CEP112: variants seen among roughly 807,000 people sequenced by gnomAD.
CEP112 encodes centrosomal protein 112.
Under a neutral mutation model 153.0 loss-of-function variants are expected in CEP112, and 127 were observed. That is an observed-to-expected ratio of 0.83 (90% confidence interval 0.72 to 0.96). CEP112 has a LOEUF of 0.96. Ranked by LOEUF, CEP112 falls within the 40% of genes least tolerant of loss-of-function variation. CEP112 has a pLI of 0.00. For synonymous variants in CEP112, 358 were observed against 374.4 expected (o/e 0.96, Z 0.51); for missense variants, 1,089 against 1,101.2 (o/e 0.99, Z 0.16).
intron 17 of CEP112, among the ~76,000 whole-genome samples, chr17:65,997,565 A>G (rs1469376022): frequency 6.6e-6 from 1 of 152,216 alleles, no homozygotes; most frequent in Non-Finnish European, 1.5e-5. Flanking sequence ...TTAAAAATAT[A>G]TGTAAAACAT....
chr17:65,800,464 A>G (rs1199799711), intron 21 of CEP112, among the ~76,000 whole-genome samples: 1 of 152,162 alleles, frequency 6.6e-6, no homozygotes, highest in Admixed American at 6.5e-5. Flanking sequence ...CAGCTGAGTA[A>G]TCTTTCATTT....
intron 21 of CEP112, among the ~76,000 whole-genome samples, chr17:65,829,937 GT>G (rs1221426634): frequency 6.6e-6 from 1 of 152,118 alleles, no homozygotes; most frequent in African/African-American, 2.4e-5. Flanking sequence ...CCTATTAATG[GT>G]AAGATATCAA....
intron 20 of CEP112, among the ~76,000 whole-genome samples, chr17:65,881,401 GGTGT>G (rs34374244): frequency 4.0e-5 from 6 of 150,482 alleles, no homozygotes; most frequent in African/African-American, 7.3e-5. Flanking sequence ...GCAGAAAACA[GGTGT>G]GTGTGTGTGT....
At chr17:65,828,204 C>T (rs1407085755) in intron 21 of CEP112, among the ~76,000 whole-genome samples, 1 of 152,166 alleles carries the variant, frequency 6.6e-6, no homozygotes, top group African/African-American at 2.4e-5. Flanking sequence ...GTTAACTGTT[C>T]CCCAGTACCT....
At chr17:65,752,289 G>C (rs941132477) in intron 21 of CEP112, among the ~76,000 whole-genome samples, 33 of 152,082 alleles carry the variant, frequency 2.2e-4, no homozygotes, top group Non-Finnish European at 4.6e-4. Context: ...GAAGAATCTT[G>C]CATATATGTA....
intron 20 of CEP112, among the ~76,000 whole-genome samples, chr17:65,861,761 G>GT (rs1286813204): frequency 6.6e-6 from 1 of 152,190 alleles, no homozygotes; most frequent in African/African-American, 2.4e-5. Flanking sequence ...GCAAGAATGT[G>GT]TATCAATGGG....
chr17:66,059,983 T>C (rs1045338806), intron 11 of CEP112, among the ~76,000 whole-genome samples: 1 of 152,156 alleles, frequency 6.6e-6, no homozygotes, highest in South Asian at 2.1e-4. Flanking sequence ...AATGAAATCA[T>C]GTCCTTCGCA....
rs2062052388 is a variant in CEP112 at position 65,957,825 on chromosome 17, T to C, written c.1872+3638A>G. ...AACTTGTTAATTTTATTAATGCTCA[T>C]ATTTAAACATTACAAAATTATTTTT... On this transcript the variant is annotated intron_variant, in intron 18 of 26. Coordinates refer to ENST00000535342, the MANE Select transcript of CEP112 (RefSeq NM_001199165.4). Among the ~76,000 whole-genome samples, 6 of 152,146 alleles carry C rather than the reference T, an allele frequency of 3.9e-5. No homozygotes were observed. The South Asian group carries it at 1.0e-3, about 26-fold the overall frequency.
intron 6 of CEP112, among the ~76,000 whole-genome samples, chr17:66,118,917 C>T (rs559793473): frequency 6.6e-6 from 1 of 152,036 alleles, no homozygotes; most frequent in Admixed American, 6.6e-5. Flanking sequence ...AGTGCTTATT[C>T]ACAATAGCAA....
intron 24 of CEP112, among the ~76,000 whole-genome samples, chr17:65,669,732 T>C (rs1387047679): frequency 1.3e-5 from 2 of 151,906 alleles, no homozygotes; most frequent in Non-Finnish European, 2.9e-5. Flanking sequence ...TGAAACCCTG[T>C]CTCTACTAAA....
At chr17:66,134,125 A>C (rs958287453) in intron 4 of CEP112, among the ~76,000 whole-genome samples, 1 of 152,224 alleles carries the variant, frequency 6.6e-6, no homozygotes, top group African/African-American at 2.4e-5. Flanking sequence ...TTAAGAATAG[A>C]TTAAATAATC....
intron 4 of CEP112, among the ~76,000 whole-genome samples, chr17:66,154,753 C>A (rs1337031935): frequency 1.3e-5 from 2 of 149,172 alleles, no homozygotes; most frequent in East Asian, 2.0e-4. Context: ...CAAAAAAAAA[C>A]AACAGAGTCA....
intron 4 of CEP112, among the ~76,000 whole-genome samples, chr17:66,164,886 A>ATGTGTGTGTGTG (rs57252258): frequency 8.0e-5 from 11 of 137,608 alleles, no homozygotes; most frequent in South Asian, 2.4e-4. Context: ...ACACACATAT[A>ATGTGTGTGTGTG]TGTGTGTGTG....
rs150616324 is a variant in CEP112 at position 65,905,848 on chromosome 17, C to T, written c.1981-3514G>A. On this transcript the variant is annotated intron_variant, in intron 19 of 26. Transcript: ENST00000535342. Reference sequence around the variant, plus strand: ...TAGTCCTAGCTACTTGGGAGGCTGACGCGGGAGAATGGCATGAACCCGGGG... The same window carrying T: ...TAGTCCTAGCTACTTGGGAGGCTGATGCGGGAGAATGGCATGAACCCGGGG... 1.7e-4 allele frequency among the ~76,000 whole-genome samples: 26 copies of T among 151,896 alleles called. 1 individual carries two copies. The East Asian group carries it at 4.5e-3, about 26-fold the overall frequency.
chr17:65,856,195 G>C (rs1277816071), intron 20 of CEP112, among the ~76,000 whole-genome samples: 1 of 152,134 alleles, frequency 6.6e-6, no homozygotes, highest in African/African-American at 2.4e-5. Context: ...ATAGGAAAAA[G>C]AGCAAGTTAG....
rs772687828 is a variant in CEP112, at chr17:65,927,559, CA to C, written c.1980+22del. 4.6e-6 allele frequency: 6 copies of C among 1,300,172 alleles called. No individual in the cohort carries two copies. The Admixed American group carries it at 1.1e-4, about 23-fold the overall frequency. 80.5% of individuals were successfully genotyped at this position (1,300,172 alleles called of 1,614,324 possible). A position where few individuals can be genotyped will look rare whatever the true frequency, so the allele number is the denominator to read the frequency against. ...TATATGTATTTTAAAAATTTAATGG[CA>C]GCATCAAAATGAAAGACCAACCTGT... is the stretch of plus-strand genomic sequence containing the variant. On this transcript the variant is annotated intron_variant, in intron 19 of 26. Transcript: ENST00000535342.
chr17:65,670,197 C>A (rs898455029), intron 24 of CEP112, among the ~76,000 whole-genome samples: 2 of 150,088 alleles, frequency 1.3e-5, no homozygotes, highest in Admixed American at 6.6e-5. Flanking sequence ...TTAACTGATG[C>A]TTAAAAGAGG....
At chr17:66,155,368 A>C (rs1284234425) in intron 4 of CEP112, among the ~76,000 whole-genome samples, 1 of 152,100 alleles carries the variant, frequency 6.6e-6, no homozygotes, top group African/African-American at 2.4e-5. Flanking sequence ...CCCAGTTACT[A>C]GACTTTTCCC....
intron 17 of CEP112, among the ~76,000 whole-genome samples, chr17:65,977,028 A>G (rs2063063156): frequency 6.6e-6 from 1 of 152,112 alleles, no homozygotes; most frequent in Non-Finnish European, 1.5e-5. Flanking sequence ...GTGAGCCACC[A>G]GGCCCGGCCA....
Sources: gnomAD v4.1 joint callset for allele counts (sites outside exome capture counted in the v4.1 genomes callset) on GRCh38, gnomAD v4.1.1 for gene constraint, MANE v1.5 for transcripts, NCBI Gene and HGNC (gene_info 2026-07-23, HGNC 2026-07-21) for gene names.